Variants in RADIL observed in about 807,000 individuals in gnomAD.
RADIL encodes Rap associating with DIL domain.
RADIL carries 99 observed loss-of-function variants against 97.6 expected under a neutral mutation model. That is an observed-to-expected ratio of 1.01 (90% CI 0.86 to 1.20). RADIL has a LOEUF of 1.20. Among genes scored for constraint, RADIL ranks in the 50% most tolerant of loss-of-function variants. The probability of loss-of-function intolerance (pLI) is 0.00; values close to 1 mark genes in which losing one functional copy is unlikely to be tolerated. For synonymous variants in RADIL, 803 were observed against 691.8 expected (o/e 1.16, Z -2.52); for missense variants, 1,765 against 1,498.9 (o/e 1.18, Z -2.93).
intron 2 of RADIL, among the ~76,000 whole-genome samples, chr7:4,874,532 T>TG (rs1490688027): frequency 2.0e-5 from 3 of 152,178 alleles, no homozygotes; most frequent in African/African-American, 7.2e-5. Context: ...CAGGAGTCCC[T>TG]GGGCCACAGC....
chr7:4,833,054 TCTGTTTCAGAGC>T (rs1783192462), intron 4 of RADIL, among the ~76,000 whole-genome samples: 1 of 152,118 alleles, frequency 6.6e-6, no homozygotes, highest in Non-Finnish European at 1.5e-5. Flanking sequence ...TCTGGGAGCC[TCTGTTTCAGAGC>T]CTGTAGCATA....
rs779543925 is a variant in RADIL at position 4,803,522 on chromosome 7, C to A, written c.2499+24G>T. On this transcript the variant is annotated intron_variant, in intron 11 of 14. Coordinates refer to ENST00000399583, the MANE Select transcript of RADIL (RefSeq NM_018059.5). ...CCCCGGGCACCTCGGGGCACGCTGGCTGGGGGGCCCCCTCCCCGGGTACCT... is the reference window on the plus strand; with the variant it reads ...CCCCGGGCACCTCGGGGCACGCTGGATGGGGGGCCCCCTCCCCGGGTACCT... 1.4e-3 allele frequency: 2,073 copies of A among 1,521,256 alleles called. 2 individuals are homozygous for A. The highest frequency in any genetic ancestry group is 1.7e-3 in the Non-Finnish European group (1,917 of 1,128,648). 94.2% of individuals were successfully genotyped at this position (1,521,256 alleles called of 1,614,324 possible). A position where few individuals can be genotyped will look rare whatever the true frequency, so the allele number is the denominator to read the frequency against.
At chr7:4,853,217 C>T (rs905181975) in intron 2 of RADIL, among the ~76,000 whole-genome samples, 9 of 152,144 alleles carry the variant, frequency 5.9e-5, no homozygotes, top group African/African-American at 2.2e-4. Context: ...GCCCTCCAAC[C>T]TTGAGCGTGA....
rs1433214525 is a variant in RADIL at position 4,840,603 on chromosome 7, G to A, written c.536-3998C>T. On this transcript the variant is annotated intron_variant, in intron 2 of 14. Transcript: ENST00000399583. This position sits in a 1 kb window ranked among gnomAD's most constrained non-coding sequence, Gnocchi z 5.6. ...CTTTGCCAAGAACAGGGTCACCCCAGGGGCCCTTATGCTACCAATGGGAGA... is the reference window on the plus strand; with the variant it reads ...CTTTGCCAAGAACAGGGTCACCCCAAGGGCCCTTATGCTACCAATGGGAGA... Among the ~76,000 whole-genome samples the A allele has an allele frequency of 3.3e-5, 5 of 152,182 alleles. No individual in the cohort carries two copies. Among genetic ancestry groups the A allele is most frequent in the Non-Finnish European group, 7.3e-5 (5 of 68,032 alleles).
At chr7:4,843,318 A>T (rs1218960807) in intron 2 of RADIL, among the ~76,000 whole-genome samples, 1 of 151,972 alleles carries the variant, frequency 6.6e-6, no homozygotes, top group Non-Finnish European at 1.5e-5. Flanking sequence ...CGGCCAAGAG[A>T]TGATTTTAAA....
At chr7:4,860,911 T>C (rs770331198) in intron 2 of RADIL, 4 of 1,614,202 alleles carry the variant, frequency 2.5e-6, no homozygotes, top group South Asian at 1.1e-5. Flanking sequence ...TTGGGTCCCA[T>C]ACAGGCAAAT....
In RADIL at chr7:4,818,396, C is replaced by T. The variant is rs917501161; in HGVS notation, c.1616-1045G>A. Among the ~76,000 whole-genome samples the T allele has an allele frequency of 7.2e-5, 11 of 152,232 alleles. No individual in the cohort carries two copies. The South Asian group carries it at 1.4e-3, about 20-fold the overall frequency. On this transcript the variant is annotated intron_variant, in intron 6 of 14. Coordinates refer to ENST00000399583, the MANE Select transcript of RADIL (RefSeq NM_018059.5). The surrounding 1 kb of genome is among the most constrained non-coding windows in gnomAD (Gnocchi z 7.1). Reference sequence around the variant, plus strand: ...CAAGCCCCTGTCACTTTCGCTCTGCCGCTCCTGGTGCTCCTCCTTCAGGGG... The same window carrying T: ...CAAGCCCCTGTCACTTTCGCTCTGCTGCTCCTGGTGCTCCTCCTTCAGGGG...
At chr7:4,860,232 A>T (rs1292976182) in intron 2 of RADIL, 2 of 1,613,910 alleles carry the variant, frequency 1.2e-6, no homozygotes, top group Non-Finnish European at 1.7e-6. Flanking sequence ...CAGCCTGCAG[A>T]CAAGTCAAAG....
rs373438367 is a variant in RADIL, at chr7:4,801,709, G to A, written c.2786C>T (p.Ala929Val). The change falls in exon 12 of 15, where the codon GCG (alanine) becomes GTG (valine). Residue 929 changes from alanine to valine, a missense_variant. Coordinates refer to ENST00000399583, the MANE Select transcript of RADIL (RefSeq NM_018059.5). Reference protein sequence around the residue: ...WPESGGPCGKALPERQRNGLS... With the variant: ...WPESGGPCGKVLPERQRNGLS... ...TCCGTTCCTCTGCCTCTCTGGGAGC[G>A]CTTTTCCACAGGGGCCGCCGGACTC... The A allele has an allele frequency of 1.1e-5, 18 of 1,609,730 alleles. No individual in the cohort carries two copies. In the Admixed American group the frequency reaches 1.7e-4, roughly 15 times the overall value.
Position 4,877,827 on chromosome 7 carries a change from TG to T in RADIL, c.312del (p.Arg105GlyfsTer38). On this transcript the variant is annotated frameshift_variant, in exon 2 of 15. Coordinates refer to ENST00000399583, the MANE Select transcript of RADIL (RefSeq NM_018059.5). LOFTEE classifies it high-confidence loss of function. Reference sequence around the variant, plus strand: ...CACAGCACGTACTGGCCGGCCTGCCTGGGGTCCAGGGCGTACCGCTCCAGCG... The same window carrying T: ...CACAGCACGTACTGGCCGGCCTGCCTGGGTCCAGGGCGTACCGCTCCAGCG... ...KEALERYALD[P>X]RQAGQYVLCD... The T allele has an allele frequency of 6.2e-7, 1 of 1,608,414 alleles. No homozygotes were observed.
intron 5 of RADIL, among the ~76,000 whole-genome samples, chr7:4,827,612 G>A (rs1472764310): frequency 6.6e-6 from 1 of 152,232 alleles, no homozygotes; most frequent in East Asian, 1.9e-4. Flanking sequence ...AGTGAGCCGA[G>A]ATCGTGCCAC....
rs1300507618 is a variant in RADIL at position 4,878,050 on chromosome 7, C to G, written c.90G>C (p.Arg30=). ...GGTCCCGGTACTTGTAGCTCAGCGT[C>G]CGGGACAGCATGCTGGACAACAGCT... The part of the protein sequence containing the change: ...QSQLLSSMLS[R]TLSYKYRDLD... Residue 30 remains arginine, a synonymous_variant, in exon 2 of 15, where the codon CGG becomes CGC. Coordinates refer to ENST00000399583, the MANE Select transcript of RADIL (RefSeq NM_018059.5). This position sits in a 1 kb window ranked among gnomAD's most constrained non-coding sequence, Gnocchi z 4.1. 1 of 1,605,042 alleles carries G rather than the reference C, an allele frequency of 6.2e-7. No homozygotes were observed. The highest frequency in any genetic ancestry group is 1.3e-5 in the African/African-American group (1 of 74,740).
At chr7:4,808,073 TGTCTCTCTC>T (rs1782401712) in intron 9 of RADIL, among the ~76,000 whole-genome samples, 1 of 84,000 alleles carries the variant, frequency 1.2e-5, no homozygotes, top group African/African-American at 5.8e-5. Flanking sequence ...TCCCTCCCTC[TGTCTCTCTC>T]CCCTCCCTCC....
rs1349629342 is a variant in RADIL, at chr7:4,837,854, CT to C, written c.536-1250del. The C allele has an allele frequency of 1.0e-6, 1 of 985,328 alleles. No homozygotes were observed. The highest frequency in any genetic ancestry group is 1.1e-4 in the East Asian group (1 of 8,818). The allele number at this position is 985,328 out of a possible 1,614,324, so 61.0% of individuals were successfully genotyped here. On this transcript the variant is annotated intron_variant, in intron 2 of 14. Transcript: ENST00000399583. The surrounding 1 kb of genome is among the most constrained non-coding windows in gnomAD (Gnocchi z 5.6). Reference sequence around the variant, plus strand: ...CAGTCCCCAGCTGACCCGGCGCTGTCTTTTCTGAGCCCTCTGCTGAGTTCCC... The same window carrying C: ...CAGTCCCCAGCTGACCCGGCGCTGTCTTTCTGAGCCCTCTGCTGAGTTCCC...
At chr7:4,825,474 A>G (rs1782947787) in intron 5 of RADIL, among the ~76,000 whole-genome samples, 1 of 152,202 alleles carries the variant, frequency 6.6e-6, no homozygotes, top group Non-Finnish European at 1.5e-5. Flanking sequence ...GGTCAGCCAC[A>G]TCCACCCACC....
chr7:4,848,767 C>T (rs1032951706), intron 2 of RADIL, among the ~76,000 whole-genome samples: 1 of 152,062 alleles, frequency 6.6e-6, no homozygotes, highest in Non-Finnish European at 1.5e-5. Flanking sequence ...CCTAAGTTCT[C>T]ATTTTCCACT....
At position 4,837,922 on chromosome 7, in the gene RADIL, C is replaced by T. The variant is rs887083699; in HGVS notation, c.536-1317G>A. On this transcript the variant is annotated intron_variant, in intron 2 of 14. Transcript: ENST00000399583. This position sits in a 1 kb window ranked among gnomAD's most constrained non-coding sequence, Gnocchi z 5.6. Reference sequence around the variant, plus strand: ...GGTTAAGATCCATCCCCATCTGTGGCGGCCTTTCCTCCAACCATTCCCAAT... The same window carrying T: ...GGTTAAGATCCATCCCCATCTGTGGTGGCCTTTCCTCCAACCATTCCCAAT... 1.8e-5 allele frequency: 18 copies of T among 985,302 alleles called. No individual in the cohort carries two copies. Among genetic ancestry groups the T allele is most frequent in the Non-Finnish European group, 1.9e-5 (16 of 829,932 alleles). The allele number at this position is 985,302 out of a possible 1,614,324, so 61.0% of individuals were successfully genotyped here. A position where few individuals can be genotyped will look rare whatever the true frequency, so the allele number is the denominator to read the frequency against.
chr7:4,855,621 A>T (rs1212214119), intron 2 of RADIL, among the ~76,000 whole-genome samples: 1 of 72,160 alleles, frequency 1.4e-5, no homozygotes, highest in Non-Finnish European at 2.6e-5. Flanking sequence ...TTATTTTTGT[A>T]AAAAAAAAAA....
At position 4,854,358 on chromosome 7, in the gene RADIL, T is replaced by G. The variant is rs1400090630; in HGVS notation, c.536-17753A>C. Among the ~76,000 whole-genome samples, 2 of 152,178 alleles carry G rather than the reference T, an allele frequency of 1.3e-5. No individual in the cohort carries two copies. Among genetic ancestry groups the G allele is most frequent in the Non-Finnish European group, 2.9e-5 (2 of 68,038 alleles). On this transcript the variant is annotated intron_variant, in intron 2 of 14. Transcript: ENST00000399583. This position sits in a 1 kb window ranked among gnomAD's most constrained non-coding sequence, Gnocchi z 5.1. ...GGGGTTTTCTGTTTGCTTTTGTTTCTGGGGAGGGTGGTGTTTGGTTTTTGT... is the reference window on the plus strand; with the variant it reads ...GGGGTTTTCTGTTTGCTTTTGTTTCGGGGGAGGGTGGTGTTTGGTTTTTGT...
Sources: gnomAD v4.1 joint callset for allele counts (sites outside exome capture counted in the v4.1 genomes callset) on GRCh38, gnomAD v4.1.1 for gene constraint, Gnocchi (gnomAD v3.1) non-coding constraint, MANE v1.5 for transcripts, NCBI Gene and HGNC (gene_info 2026-07-23, HGNC 2026-07-21) for gene names.